The following FBLIM1 variants were observed in gnomAD, a reference collection of about 807,000 sequenced individuals.
FBLIM1 encodes filamin binding LIM protein 1.
In FBLIM1, 29 loss-of-function variants were observed where a neutral mutation model predicts 37.4. The ratio of observed to expected loss-of-function variants is 0.77; its 90% CI spans 0.58 to 1.06. The LOEUF (loss-of-function observed/expected upper bound fraction) is 1.06, where lower values mean the gene tolerates loss of function less well. FBLIM1 is among the 50% of genes least tolerant of loss of function. FBLIM1 has a pLI of 0.00. For synonymous variants in FBLIM1, 193 were observed against 199.0 expected (o/e 0.97, Z 0.25); for missense variants, 449 against 505.6 (o/e 0.89, Z 1.07).
At chr1:15,781,535 AAAAAT>A (rs368383421) in intron 8 of FBLIM1, among the ~76,000 whole-genome samples, 56,280 of 126,342 alleles carry the variant, frequency 0.45, 12,422 homozygotes, top group East Asian at 0.68. Context: ...AAAAAAAAAA[AAAAAT>A]AATGAGGCTC....
chr1:15,773,755 C>A (rs2069346759), intron 6 of FBLIM1, among the ~76,000 whole-genome samples: 1 of 148,956 alleles, frequency 6.7e-6, no homozygotes, highest in South Asian at 2.1e-4. Flanking sequence ...TTAAAGACTG[C>A]AATAATACTA....
In FBLIM1 at chr1:15,783,890, T is replaced by C. The variant is rs2069709740; in HGVS notation, c.1009-658T>C. 2.6e-5 allele frequency among the ~76,000 whole-genome samples: 4 copies of C among 152,128 alleles called. No individual in the cohort carries two copies. In the South Asian group the frequency reaches 8.3e-4, roughly 32 times the overall value. On this transcript the variant is annotated intron_variant, in intron 8 of 8. Coordinates refer to ENST00000375766, the MANE Select transcript of FBLIM1 (RefSeq NM_017556.4). Reference sequence around the variant, plus strand: ...AACCACCGCGCCCGCCCAGAATTTATGTTCTAAAGGGGTTATTGAAGCCGG... The same window carrying C: ...AACCACCGCGCCCGCCCAGAATTTACGTTCTAAAGGGGTTATTGAAGCCGG...
chr1:15,785,429 G>GT lies in FBLIM1; in HGVS notation c.*771dup, dbSNP rs2069747597. 1 of 152,196 alleles carries GT rather than the reference G, an allele frequency of 6.6e-6. No homozygotes were observed. The highest frequency in any genetic ancestry group is 2.4e-5 in the African/African-American group (1 of 41,432). The allele number at this position is 152,196 out of a possible 1,614,324, so 9.4% of individuals were successfully genotyped here. A position where few individuals can be genotyped will look rare whatever the true frequency, so the allele number is the denominator to read the frequency against. On this transcript the variant is annotated 3_prime_UTR_variant, in exon 9 of 9. Transcript: ENST00000375766. Reference sequence around the variant, plus strand: ...GCAGGCAGATCACTTGAGGTCAGGAGTTTGAGACCAGCCTGGCCAACACGG... The same window carrying GT: ...GCAGGCAGATCACTTGAGGTCAGGAGTTTTGAGACCAGCCTGGCCAACACGG...
intron 2 of FBLIM1, 24 bp downstream of exon 2, chr1:15,764,709 T>C (rs2068831848): frequency 2.0e-6 from 1 of 508,052 alleles, no homozygotes; most frequent in African/African-American, 1.9e-5. Flanking sequence ...TTTGCTCCCC[T>C]AGGTGTGCAG....
chr1:15,785,640 A>C lies in FBLIM1; in HGVS notation c.*979A>C, dbSNP rs2069752136. The C allele has an allele frequency of 6.6e-6, 1 of 152,224 alleles. No individual in the cohort carries two copies. The highest frequency in any genetic ancestry group is 1.5e-5 in the Non-Finnish European group (1 of 68,052). The allele number at this position is 152,224 out of a possible 1,614,324, so 9.4% of individuals were successfully genotyped here. A position where few individuals can be genotyped will look rare whatever the true frequency, so the allele number is the denominator to read the frequency against. ...ACACAGCGAGACTCTGTCTCCAAAA[A>C]AAAAAGTGCTTTTTGAAAATGTTGA... On this transcript the variant is annotated 3_prime_UTR_variant, in exon 9 of 9. Transcript: ENST00000375766.
At chr1:15,776,989 C>G (rs2069512264) in intron 7 of FBLIM1, 181 bp from the exon 8 acceptor site, 1 of 572,482 alleles carries the variant, frequency 1.7e-6, no homozygotes, top group Non-Finnish European at 3.1e-6. Context: ...GAAACCAGGT[C>G]TCATTACACA....
chr1:15,776,259 A>G (rs143012661), intron 7 of FBLIM1, among the ~76,000 whole-genome samples: 7 of 152,148 alleles, frequency 4.6e-5, no homozygotes, highest in African/African-American at 1.7e-4. Context: ...TCCATCCCAA[A>G]CAAAACAAAA....
At chr1:15,760,131 G>C (rs936260631) in intron 1 of FBLIM1, among the ~76,000 whole-genome samples, 1 of 152,142 alleles carries the variant, frequency 6.6e-6, no homozygotes, top group Non-Finnish European at 1.5e-5. Flanking sequence ...GCTGAGGCAC[G>C]AGAATCGCTT....
chr1:15,781,024 G>A (rs1255442949), intron 8 of FBLIM1, among the ~76,000 whole-genome samples: 1 of 152,046 alleles, frequency 6.6e-6, no homozygotes, highest in East Asian at 1.9e-4. Context: ...TGACTTGGCC[G>A]AGGTGGTGTA....
chr1:15,760,152 G>A (rs1200546643), intron 1 of FBLIM1, among the ~76,000 whole-genome samples: 1 of 152,048 alleles, frequency 6.6e-6, no homozygotes. Context: ...GAACCCAGGA[G>A]GCGGAGGTTG....
chr1:15,758,014 A>G (rs1448024071), upstream of FBLIM1: 1 of 152,238 alleles, frequency 6.6e-6, no homozygotes, highest in African/African-American at 2.4e-5. This position sits in a 1 kb window ranked among gnomAD's most constrained non-coding sequence, Gnocchi z 6.2. Flanking sequence ...CCACCTGCAG[A>G]GGGCTTACCG....
At chr1:15,776,317 G>C (rs1295309165) in intron 7 of FBLIM1, among the ~76,000 whole-genome samples, 2 of 152,068 alleles carry the variant, frequency 1.3e-5, no homozygotes, top group African/African-American at 2.4e-5. Context: ...TACGATTAAG[G>C]GTTCTGTTTT....
intron 7 of FBLIM1, chr1:15,776,896 A>C: frequency 3.1e-6 from 1 of 324,930 alleles, no homozygotes; most frequent in African/African-American, 2.1e-5. Flanking sequence ...GAAGTACTGA[A>C]AAAAAAACAA....
chr1:15,770,052 T>C (rs563653939), intron 5 of FBLIM1, among the ~76,000 whole-genome samples: 23 of 152,028 alleles, frequency 1.5e-4, no homozygotes, highest in African/African-American at 5.3e-4. Flanking sequence ...GTTCAAGTGA[T>C]TCTCCTGCCT....
chr1:15,785,957 G>C lies in FBLIM1; in HGVS notation c.*1296G>C, dbSNP rs777126765. 6.6e-6 allele frequency: 1 copy of C among 152,270 alleles called. No homozygotes were observed. Among genetic ancestry groups the C allele is most frequent in the Admixed American group, 6.5e-5 (1 of 15,276 alleles). 9.4% of individuals were successfully genotyped at this position (152,270 alleles called of 1,614,324 possible). On this transcript the variant is annotated 3_prime_UTR_variant, in exon 9 of 9. Coordinates refer to ENST00000375766, the MANE Select transcript of FBLIM1 (RefSeq NM_017556.4). The stretch of plus-strand genomic sequence containing the variant: ...GAGAGCCTGGTATATGCTGGGAACA[G>C]GGTGCAGGGGCCAAGCGTTCCTCCT...
At position 15,784,609 on chromosome 1, in the gene FBLIM1, A is replaced by G. The variant is rs1451365854; in HGVS notation, c.1070A>G (p.His357Arg). The G allele has an allele frequency of 1.2e-6, 2 of 1,614,058 alleles. No individual in the cohort carries two copies. The highest frequency in any genetic ancestry group is 2.2e-5 in the South Asian group (2 of 91,074). Residue 357 changes from histidine (H) to arginine (R), a missense_variant, in exon 9 of 9, where the codon CAT becomes CGT. His to Arg is a conservative substitution (Grantham distance 29). Coordinates refer to ENST00000375766, the MANE Select transcript of FBLIM1 (RefSeq NM_017556.4). ...TDQGCYPLNN[H>R]LFCKPCHVKR... The stretch of plus-strand genomic sequence containing the variant: ...CAAGGCTGCTACCCCCTGAACAACC[A>G]TCTCTTCTGCAAGCCATGCCATGTG...
At position 15,784,653 on chromosome 1, in the gene FBLIM1, T is replaced by A. The variant is rs1266848583; in HGVS notation, c.1114T>A (p.Cys372Ser). 5 of 1,613,778 alleles carry A rather than the reference T, an allele frequency of 3.1e-6. No individual in the cohort carries two copies. The highest frequency in any genetic ancestry group is 4.2e-6 in the Non-Finnish European group (5 of 1,179,788). ...CCATGTGAAGCGGAGTGCTGCGGGG[T>A]GCTGCTGAGAGTGCCCGCTGGGCAG... Reference protein sequence around the residue: ...PCHVKRSAAGCC With the variant: ...PCHVKRSAAGSC The change falls in exon 9 of 9, where the codon TGC (cysteine) becomes AGC (serine). Residue 372 changes from cysteine (C) to serine (S), a missense_variant. Physicochemically the swap from Cys to Ser is moderately radical, Grantham distance 112. Transcript: ENST00000375766.
At chr1:15,784,245 C>G (rs929196718) in intron 8 of FBLIM1, among the ~76,000 whole-genome samples, 1 of 152,088 alleles carries the variant, frequency 6.6e-6, no homozygotes, top group Non-Finnish European at 1.5e-5. Flanking sequence ...TCTTCTAGCC[C>G]CAACTTTCCC....
At chr1:15,779,594 C>T (rs1023388398) in intron 8 of FBLIM1, among the ~76,000 whole-genome samples, 4 of 152,152 alleles carry the variant, frequency 2.6e-5, no homozygotes, top group Non-Finnish European at 5.9e-5. Flanking sequence ...TGAGCCACTG[C>T]ACCCGGCCAG....
Sources: allele counts gnomAD v4.1 joint callset (sites outside exome capture counted in the v4.1 genomes callset), GRCh38; gene constraint gnomAD v4.1.1; non-coding constraint Gnocchi (gnomAD v3.1); transcripts MANE v1.5; gene names NCBI Gene and HGNC (gene_info 2026-07-23, HGNC 2026-07-21).